Variants in BCL2L13 observed in about 807,000 individuals in gnomAD.
BCL2L13 encodes the protein BCL2 like 13.
In BCL2L13, 13 loss-of-function variants were observed where a neutral mutation model predicts 25.8. That is an observed-to-expected ratio of 0.50 (90% CI 0.33 to 0.80). BCL2L13 has a LOEUF of 0.80. Among genes scored for constraint, BCL2L13 ranks in the 30% least tolerant of loss-of-function variants. The pLI is 0.02. For synonymous variants in BCL2L13, 244 were observed against 230.3 expected, an observed-to-expected ratio of 1.06 and a Z score of -0.54; for missense variants, 504 against 574.9, an observed-to-expected ratio of 0.88 and a Z score of 1.26.
At chr22:17,717,925 A>G (rs996092826) in intron 6 of BCL2L13, among the ~76,000 whole-genome samples, 1 of 152,184 alleles carries the variant, frequency 6.6e-6, no homozygotes, top group Non-Finnish European at 1.5e-5. Flanking sequence ...TGTCTCTACA[A>G]AAAATGTAAA....
At chr22:17,674,605 CAAAAA>C (rs71201865) in intron 2 of BCL2L13, among the ~76,000 whole-genome samples, 11 of 125,206 alleles carry the variant, frequency 8.8e-5, no homozygotes, top group Admixed American at 1.6e-4. Flanking sequence ...GACTCTGTCT[CAAAAA>C]AAAAAAAAAA....
intron 2 of BCL2L13, among the ~76,000 whole-genome samples, chr22:17,664,838 G>A (rs2059186769): frequency 6.6e-6 from 1 of 152,216 alleles, no homozygotes; most frequent in Non-Finnish European, 1.5e-5. Flanking sequence ...CGACTGGAGT[G>A]GCTGGGATGC....
upstream of BCL2L13, among the ~76,000 whole-genome samples, chr22:17,637,001 G>A (rs112664631): frequency 8.4e-4 from 128 of 152,234 alleles, 1 homozygote; most frequent in Admixed American, 1.7e-3. Context: ...GGCCGGGCGC[G>A]GTGGCGCACC....
chr22:17,709,762 A>G (rs938845227), intron 6 of BCL2L13, among the ~76,000 whole-genome samples: 3 of 151,866 alleles, frequency 2.0e-5, no homozygotes, highest in African/African-American at 4.8e-5. Flanking sequence ...AGCCTAGGCA[A>G]CAGAGTGCTA....
rs1222895857 is a variant in BCL2L13, at chr22:17,638,869, G to C, written c.-68G>C. ...CCGCCGCCTCTTTCATCTCTTCTGG[G>C]GCAGGGGCCAGGGCCAGGTGAGGGG... On this transcript the variant is annotated 5_prime_UTR_variant, in exon 1 of 7. Transcript: ENST00000317582. 2.4e-6 allele frequency: 3 copies of C among 1,232,736 alleles called. No homozygotes were observed. Among genetic ancestry groups the C allele is most frequent in the Non-Finnish European group, 2.0e-6 (2 of 988,840 alleles). The allele number at this position is 1,232,736 out of a possible 1,614,324, so 76.4% of individuals were successfully genotyped here.
chr22:17,667,288 A>G (rs1370417910), intron 2 of BCL2L13, among the ~76,000 whole-genome samples: 1 of 150,128 alleles, frequency 6.7e-6, no homozygotes, highest in Non-Finnish European at 1.5e-5. Flanking sequence ...TCTCCTGCCT[A>G]AGCCTCCTGA....
chr22:17,638,703 A>G (rs1267640950), upstream of BCL2L13: 2 of 1,231,710 alleles, frequency 1.6e-6, no homozygotes, highest in Middle Eastern at 3.1e-4. Context: ...GATGTCAGGT[A>G]GTTCAGGTCC....
intron 1 of BCL2L13, among the ~76,000 whole-genome samples, chr22:17,651,139 A>G (rs2058670173): frequency 6.6e-6 from 1 of 151,668 alleles, no homozygotes; most frequent in Non-Finnish European, 1.5e-5. Context: ...AGCTGGGATT[A>G]CAGGCATGCG....
chr22:17,709,455 C>T (rs1272219075), intron 6 of BCL2L13, among the ~76,000 whole-genome samples: 6 of 151,552 alleles, frequency 4.0e-5, no homozygotes, highest in East Asian at 3.9e-4. Context: ...ATTAGCCAGG[C>T]ATGGTCGTGC....
At chr22:17,631,253 C>A (rs1420623043) in intron 1 of BCL2L13, among the ~76,000 whole-genome samples, 1 of 151,884 alleles carries the variant, frequency 6.6e-6, no homozygotes, top group Non-Finnish European at 1.5e-5. Flanking sequence ...CCCGCCACCA[C>A]GCCCCGCTAA....
Position 17,658,696 on chromosome 22 carries a change from C to CAA in BCL2L13, c.121+2881_121+2882dup, listed in dbSNP as rs34033346. Among the ~76,000 whole-genome samples the CAA allele has an allele frequency of 7.2e-4, 75 of 104,878 alleles. 1 individual carries two copies. The highest frequency in any genetic ancestry group is 9.2e-4 in the Non-Finnish European group (51 of 55,304). The allele number at this position is 104,878 out of a possible 152,430, so 68.8% of individuals were successfully genotyped here. On this transcript the variant is annotated intron_variant, in intron 2 of 6. Transcript: ENST00000317582. Reference sequence around the variant, plus strand: ...GGGCAACAGAGCAAGACTCTGTCACCAAAAAAAAAAAAAAAAAATATTTTC... The same window carrying CAA: ...GGGCAACAGAGCAAGACTCTGTCACCAAAAAAAAAAAAAAAAAAAATATTTTC...
At chr22:17,681,272 C>T (rs541538128) in intron 2 of BCL2L13, among the ~76,000 whole-genome samples, 25 of 151,960 alleles carry the variant, frequency 1.6e-4, no homozygotes, top group Non-Finnish European at 2.9e-4. Flanking sequence ...TTTGGGAGGC[C>T]GAGGCAGGTG....
intron 3 of BCL2L13, among the ~76,000 whole-genome samples, chr22:17,685,083 A>G (rs1319300451): frequency 1.3e-5 from 2 of 152,018 alleles, no homozygotes; most frequent in East Asian, 3.9e-4. Context: ...CATGTTGCTC[A>G]GGCTGGTCTT....
At position 17,701,754 on chromosome 22, in the gene BCL2L13, C is replaced by A. The variant is rs553626048; in HGVS notation, c.457-489C>A. 3.0e-3 allele frequency among the ~76,000 whole-genome samples: 456 copies of A among 152,032 alleles called. 3 individuals are homozygous for A. Among genetic ancestry groups the A allele is most frequent in the Middle Eastern group, 6.9e-3 (2 of 290 alleles). On this transcript the variant is annotated intron_variant, in intron 5 of 6. Coordinates refer to ENST00000317582, the MANE Select transcript of BCL2L13 (RefSeq NM_015367.4). ...CAGCCTGGCCAACATGGTGAAACCC[C>A]GTCTCTACTAAAAATACAAAAATTA...
intron 6 of BCL2L13, among the ~76,000 whole-genome samples, chr22:17,704,912 C>A (rs1443226845): frequency 6.6e-6 from 1 of 151,200 alleles, no homozygotes; most frequent in Non-Finnish European, 1.5e-5. Flanking sequence ...TTTGTTTATT[C>A]CTGAAACATA....
At chr22:17,721,059 C>CG (rs1318228101) in intron 6 of BCL2L13, among the ~76,000 whole-genome samples, 2 of 151,402 alleles carry the variant, frequency 1.3e-5, no homozygotes, top group South Asian at 2.1e-4. Flanking sequence ...CCCAGCTACT[C>CG]GGGGGGAGGC....
intron 6 of BCL2L13, among the ~76,000 whole-genome samples, chr22:17,724,553 C>G (rs545539552): frequency 6.6e-6 from 1 of 152,070 alleles, no homozygotes; most frequent in South Asian, 2.1e-4. Flanking sequence ...AGTATGATGC[C>G]GACATCATGG....
At chr22:17,677,960 C>T (rs550501510) in intron 2 of BCL2L13, among the ~76,000 whole-genome samples, 69 of 152,224 alleles carry the variant, frequency 4.5e-4, no homozygotes, top group African/African-American at 1.5e-3. Context: ...GTGGGAAGAT[C>T]GCTTGAGCCT....
At chr22:17,637,555 T>C (rs1022771716), upstream of BCL2L13, among the ~76,000 whole-genome samples, 2 of 152,016 alleles carry the variant, frequency 1.3e-5, no homozygotes, top group Non-Finnish European at 2.9e-5. Flanking sequence ...TTTGTGTTTT[T>C]AGTACAGATG....
Sources: gnomAD v4.1 joint callset for allele counts (sites outside exome capture counted in the v4.1 genomes callset) on GRCh38, gnomAD v4.1.1 for gene constraint, MANE v1.5 for transcripts, NCBI Gene and HGNC (gene_info 2026-07-23, HGNC 2026-07-21) for gene names.